The following WWOX variants were observed in gnomAD, a reference collection of about 807,000 sequenced individuals.
WWOX encodes WW domain-containing oxidoreductase.
In WWOX, 69 loss-of-function variants were observed where a neutral mutation model predicts 46.2. The observed-to-expected ratio is 1.49, with a 90% CI of 1.23 to 1.82. The LOEUF is 1.82. Among genes scored for constraint, WWOX ranks in the 40% most tolerant of loss-of-function variants. The probability of loss-of-function intolerance (pLI) is 0.00; values close to 1 mark genes in which losing one functional copy is unlikely to be tolerated. For synonymous variants in WWOX, 359 were observed against 202.6 expected (o/e 1.77, Z -6.56); for missense variants, 919 against 542.6 (o/e 1.69, Z -6.89).
At chr16:79,187,431 C>CG (rs1597457660) in intron 8 of WWOX, among the ~76,000 whole-genome samples, 1 of 152,264 alleles carries the variant, frequency 6.6e-6, no homozygotes, top group African/African-American at 2.4e-5. Flanking sequence ...GACAGAGTAT[C>CG]GCTCTGTCAC....
rs547680174 is a variant in WWOX, at chr16:78,234,745, C to G, written c.516+70456C>G. ...CTTTTGGAAAAAGAACCACAAGTCT[C>G]TATTTTTAAAATAGAGGTACAATGA... is the stretch of plus-strand genomic sequence containing the variant. On this transcript the variant is annotated intron_variant, in intron 5 of 8. Coordinates refer to ENST00000566780, the MANE Select transcript of WWOX (RefSeq NM_016373.4). 1.6e-4 allele frequency among the ~76,000 whole-genome samples: 25 copies of G among 151,678 alleles called. No individual in the cohort carries two copies. In the East Asian group the frequency reaches 3.7e-3, roughly 22 times the overall value.
chr16:78,158,936 C>G (rs1288181540), intron 4 of WWOX, among the ~76,000 whole-genome samples: 2 of 152,120 alleles, frequency 1.3e-5, no homozygotes, highest in Non-Finnish European at 2.9e-5. Context: ...CCTTGTTTCT[C>G]TCTCCCCTCA....
intron 8 of WWOX, among the ~76,000 whole-genome samples, chr16:79,128,927 T>C (rs1240372777): frequency 6.6e-6 from 1 of 152,128 alleles, no homozygotes; most frequent in Non-Finnish European, 1.5e-5. Flanking sequence ...GGTGCCATTG[T>C]TGCCCAGTGT....
intron 8 of WWOX, among the ~76,000 whole-genome samples, chr16:78,645,852 C>T (rs1391269307): frequency 2.0e-5 from 3 of 152,076 alleles, no homozygotes; most frequent in Non-Finnish European, 4.4e-5. Flanking sequence ...GCTCTGGGGG[C>T]TTCTGGGGAG....
chr16:78,894,794 G>A (rs2044665401), intron 8 of WWOX, among the ~76,000 whole-genome samples: 1 of 152,158 alleles, frequency 6.6e-6, no homozygotes. Context: ...ATATGAAGTT[G>A]ACCTTGAGAC....
intron 4 of WWOX, among the ~76,000 whole-genome samples, chr16:78,154,450 A>G (rs572751675): frequency 1.5e-5 from 2 of 133,374 alleles, no homozygotes; most frequent in South Asian, 2.6e-4. Context: ...TATTCATGTG[A>G]TTTATTTACA....
chr16:78,322,384 TATG>T (rs1469376469), intron 5 of WWOX, among the ~76,000 whole-genome samples: 2 of 152,228 alleles, frequency 1.3e-5, no homozygotes, highest in African/African-American at 2.4e-5. Flanking sequence ...GGAAATAGTA[TATG>T]ATAATAATGA....
At chr16:78,851,067 C>T (rs149123576) in intron 8 of WWOX, among the ~76,000 whole-genome samples, 1 of 152,104 alleles carries the variant, frequency 6.6e-6, no homozygotes, top group Non-Finnish European at 1.5e-5. Context: ...TAGGTGTGGA[C>T]AGTGAGGCCA....
chr16:78,748,416 GC>G, intron 8 of WWOX, among the ~76,000 whole-genome samples: 1 of 152,192 alleles, frequency 6.6e-6, no homozygotes, highest in South Asian at 2.1e-4. Context: ...ATTTTTCCAC[GC>G]CAAGCCCTGG....
intron 5 of WWOX, among the ~76,000 whole-genome samples, chr16:78,221,828 G>T (rs775217572): frequency 3.2e-4 from 49 of 152,308 alleles, no homozygotes; most frequent in Non-Finnish European, 4.0e-4. Context: ...ATACACTCAT[G>T]CATACAGGTC....
intron 8 of WWOX, among the ~76,000 whole-genome samples, chr16:78,522,028 A>G (rs535530603): frequency 1.3e-5 from 2 of 152,192 alleles, no homozygotes; most frequent in East Asian, 3.9e-4. Flanking sequence ...TTTGCCATGA[A>G]TCACTTTGTA....
chr16:78,620,725 G>T (rs181344577), intron 8 of WWOX, among the ~76,000 whole-genome samples: 3 of 152,220 alleles, frequency 2.0e-5, no homozygotes, highest in Non-Finnish European at 4.4e-5. Context: ...CGATGGGTTA[G>T]CAAAATGCAT....
intron 8 of WWOX, among the ~76,000 whole-genome samples, chr16:79,167,366 C>T (rs779497790): frequency 5.9e-5 from 9 of 152,070 alleles, no homozygotes; most frequent in African/African-American, 2.2e-4. Context: ...TTATATTATT[C>T]TTAGTATTTG....
At chr16:78,539,755 G>T (rs1159296559) in intron 8 of WWOX, among the ~76,000 whole-genome samples, 1 of 152,142 alleles carries the variant, frequency 6.6e-6, no homozygotes, top group African/African-American at 2.4e-5. Context: ...CTAATGTCGG[G>T]GTGAGATGCA....
intron 8 of WWOX, among the ~76,000 whole-genome samples, chr16:78,610,762 G>C (rs938880576): frequency 6.6e-6 from 1 of 152,126 alleles, no homozygotes; most frequent in Non-Finnish European, 1.5e-5. Flanking sequence ...TAATGGCATG[G>C]CTCTGATATT....
At chr16:78,636,111 G>T (rs1358526792) in intron 8 of WWOX, among the ~76,000 whole-genome samples, 1 of 152,134 alleles carries the variant, frequency 6.6e-6, no homozygotes, top group Non-Finnish European at 1.5e-5. Context: ...GCCTTTGACA[G>T]GCTCTTGCTA....
intron 5 of WWOX, among the ~76,000 whole-genome samples, chr16:78,293,360 A>G (rs2079889173): frequency 6.6e-6 from 1 of 152,180 alleles, no homozygotes; most frequent in South Asian, 2.1e-4. Flanking sequence ...CAGATTTTGT[A>G]ACTGAGTCCA....
At chr16:79,182,673 C>T (rs1358493375) in intron 8 of WWOX, among the ~76,000 whole-genome samples, 5 of 152,084 alleles carry the variant, frequency 3.3e-5, no homozygotes, top group African/African-American at 4.8e-5. Context: ...CTTGTGACAC[C>T]GGGCAAGTTA....
chr16:78,989,433 C>T (rs1358582254), intron 8 of WWOX, among the ~76,000 whole-genome samples: 7 of 152,200 alleles, frequency 4.6e-5, no homozygotes, highest in East Asian at 3.9e-4. Flanking sequence ...ACAAATATTG[C>T]ATCCAGGCAT....
Sources: gnomAD v4.1 joint callset for allele counts (sites outside exome capture counted in the v4.1 genomes callset) on GRCh38, gnomAD v4.1.1 for gene constraint, MANE v1.5 for transcripts, NCBI Gene and HGNC (gene_info 2026-07-23, HGNC 2026-07-21) for gene names.